RRM2B: variants seen among roughly 807,000 people sequenced by gnomAD.
The protein encoded by RRM2B is ribonucleoside-diphosphate reductase subunit M2 B.
A neutral mutation model predicts 45.9 loss-of-function variants in RRM2B; 20 were observed. The observed-to-expected ratio is 0.44, with a 90% CI of 0.31 to 0.63. The LOEUF (loss-of-function observed/expected upper bound fraction) is 0.63. Ranked by LOEUF, RRM2B falls within the 30% of genes least tolerant of loss-of-function variation. The pLI is 0.09. For synonymous variants in RRM2B, 124 were observed against 132.3 expected (o/e 0.94, Z 0.43); for missense variants, 320 against 414.7 (o/e 0.77, Z 1.98).
Position 102,205,780 on chromosome 8 carries a change from C to G in RRM2B, c.*2353G>C, listed in dbSNP as rs956751959. 2.0e-5 allele frequency: 3 copies of G among 151,822 alleles called. No homozygotes were observed. Among genetic ancestry groups the G allele is most frequent in the African/African-American group, 7.3e-5 (3 of 41,352 alleles). 9.4% of individuals were successfully genotyped at this position (151,822 alleles called of 1,614,324 possible). A position where few individuals can be genotyped will look rare whatever the true frequency, so the allele number is the denominator to read the frequency against. On this transcript the variant is annotated 3_prime_UTR_variant, in exon 9 of 9. Coordinates refer to ENST00000251810, the MANE Select transcript of RRM2B (RefSeq NM_015713.5). ...TCTTGATTCTTTAAGAACTAAGAAC[C>G]AAAGTATTGAACATAATAAATAAAT...
At chr8:102,228,912 C>T (rs1287010536) in intron 2 of RRM2B, among the ~76,000 whole-genome samples, 1 of 152,196 alleles carries the variant, frequency 6.6e-6, no homozygotes, top group Non-Finnish European at 1.5e-5. Flanking sequence ...ACTTCATGAA[C>T]AGTTGAAATA....
At position 102,205,363 on chromosome 8, in the gene RRM2B, A is replaced by C. The variant is rs1003709364; in HGVS notation, c.*2770T>G. The C allele has an allele frequency of 6.6e-6, 1 of 152,216 alleles. No individual in the cohort carries two copies. The highest frequency in any genetic ancestry group is 1.5e-5 in the Non-Finnish European group (1 of 68,016). 9.4% of individuals were successfully genotyped at this position (152,216 alleles called of 1,614,324 possible). A position where few individuals can be genotyped will look rare whatever the true frequency, so the allele number is the denominator to read the frequency against. On this transcript the variant is annotated 3_prime_UTR_variant, in exon 9 of 9. Coordinates refer to ENST00000251810, the MANE Select transcript of RRM2B (RefSeq NM_015713.5). ...TGCACAAATAAAAAATGGCAATAGAAAAAGCAGAAAAATATGGATGTTTCT... is the reference window on the plus strand; with the variant it reads ...TGCACAAATAAAAAATGGCAATAGACAAAGCAGAAAAATATGGATGTTTCT...
At chr8:102,229,966 C>T (rs1469513347) in intron 2 of RRM2B, among the ~76,000 whole-genome samples, 2 of 152,152 alleles carry the variant, frequency 1.3e-5, no homozygotes, top group African/African-American at 4.8e-5. Flanking sequence ...TCTTTGAACA[C>T]TCAGTTTCAA....
chr8:102,228,276 G>A (rs767219777), intron 2 of RRM2B, among the ~76,000 whole-genome samples: 3 of 152,124 alleles, frequency 2.0e-5, no homozygotes, highest in Non-Finnish European at 4.4e-5. Flanking sequence ...AGCTGGGGAC[G>A]GCCAGACAGA....
At chr8:102,215,944 C>CAAAAAA (rs60059243) in intron 6 of RRM2B, among the ~76,000 whole-genome samples, 25 of 75,638 alleles carry the variant, frequency 3.3e-4, no homozygotes, top group African/African-American at 6.4e-4. Context: ...GACCCTGTCT[C>CAAAAAA]AAAAAAAAAA....
chr8:102,214,255 T>C (rs1810687136), intron 6 of RRM2B, 97 bp from the exon 7 acceptor site: 4 of 834,318 alleles, frequency 4.8e-6, no homozygotes, highest in Non-Finnish European at 8.1e-6. Context: ...TCTAGGAATA[T>C]AACACAGAAC....
chr8:102,238,415 T>C (rs1811161582), intron 1 of RRM2B: 2 of 644,226 alleles, frequency 3.1e-6, no homozygotes, highest in South Asian at 1.8e-5. Context: ...CTCCAACTCC[T>C]TGTCACCATC....
chr8:102,208,216 C>A lies in RRM2B; in HGVS notation c.973G>T (p.Glu325Ter). 1 of 1,609,752 alleles carries A rather than the reference C, an allele frequency of 6.2e-7. No individual in the cohort carries two copies. Among genetic ancestry groups the A allele is most frequent in the Non-Finnish European group, 8.5e-7 (1 of 1,176,294 alleles). Residue 325 changes from glutamate to a stop codon, truncating the protein, a stop_gained, in exon 9 of 9, where the codon GAG becomes TAG. Transcript: ENST00000251810. LOFTEE classifies it high-confidence loss of function. ...ISLEGKTNFFEKRVSEYQRFA... is the reference protein window; with the variant it reads ...ISLEGKTNFF ...CGCTGATACTCTGAAACTCGTTTCT[C>A]AAAGAAATTTGTTTTTCCTTCTAAA...
Position 102,229,363 on chromosome 8 carries a change from A to C in RRM2B, c.204+2786T>G, listed in dbSNP as rs371457057. Among the ~76,000 whole-genome samples, 298 of 152,098 alleles carry C rather than the reference A, an allele frequency of 2.0e-3. 13 individuals are homozygous for C. The South Asian group carries it at 0.058, about 30-fold the overall frequency. The stretch of plus-strand genomic sequence containing the variant: ...TGTCCCAATCTTTTAATCACATGCT[A>C]TTTTCCAAATCCTTTTTCCCACTAA... On this transcript the variant is annotated intron_variant, in intron 2 of 8. Coordinates refer to ENST00000251810, the MANE Select transcript of RRM2B (RefSeq NM_015713.5).
chr8:102,238,822 T>C lies in RRM2B; in HGVS notation c.48+5A>G. The C allele has an allele frequency of 6.2e-7, 1 of 1,613,730 alleles. No homozygotes were observed. Among genetic ancestry groups the C allele is most frequent in the Non-Finnish European group, 8.5e-7 (1 of 1,179,906 alleles). On this transcript the variant is annotated splice_donor_5th_base_variant and intron_variant, in intron 1 of 8. Coordinates refer to ENST00000251810, the MANE Select transcript of RRM2B (RefSeq NM_015713.5). The stretch of plus-strand genomic sequence containing the variant: ...TGAGGGGGAAGACGCAACAGCAACA[T>C]TTACCTCATCCTGATCCAGCCCGGC...
At chr8:102,222,049 G>A (rs1351689263) in intron 5 of RRM2B, among the ~76,000 whole-genome samples, 2 of 151,524 alleles carry the variant, frequency 1.3e-5, no homozygotes, top group African/African-American at 2.4e-5. Context: ...TACATATATT[G>A]AGAACCAGTG....
chr8:102,216,174 G>A (rs939120626), intron 6 of RRM2B, among the ~76,000 whole-genome samples: 8 of 151,818 alleles, frequency 5.3e-5, no homozygotes, highest in Non-Finnish European at 8.8e-5. Context: ...AGAAGACAGC[G>A]CAAGTCAATG....
rs60059243 is a variant in RRM2B at position 102,215,944 on chromosome 8, C to CAA, written c.685-1788_685-1787dup. ...TGGGTGACAGAGAAAGACCCTGTCT[C>CAA]AAAAAAAAAAAAAAAAAAAAAAGAA... On this transcript the variant is annotated intron_variant, in intron 6 of 8. Transcript: ENST00000251810. 2.9e-3 allele frequency among the ~76,000 whole-genome samples: 220 copies of CAA among 75,088 alleles called. 4 individuals are homozygous for CAA. The highest frequency in any genetic ancestry group is 5.8e-3 in the East Asian group (11 of 1,902). The allele number at this position is 75,088 out of a possible 152,430, so 49.3% of individuals were successfully genotyped here.
In RRM2B at chr8:102,219,039, T is replaced by C. The variant is rs1001641590; in HGVS notation, c.551-92A>G. 3.7e-6 allele frequency: 5 copies of C among 1,359,778 alleles called. No individual in the cohort carries two copies. The Admixed American group carries it at 8.7e-5, about 24-fold the overall frequency. 84.2% of individuals were successfully genotyped at this position (1,359,778 alleles called of 1,614,324 possible). On this transcript the variant is annotated intron_variant, in intron 5 of 8. Coordinates refer to ENST00000251810, the MANE Select transcript of RRM2B (RefSeq NM_015713.5). ...CATATATAACAATAAATACCACAAC[T>C]GTTTGCAAAGAAACAAAATACACAA...
chr8:102,227,549 G>A (rs937370555), intron 2 of RRM2B, among the ~76,000 whole-genome samples: 7 of 152,046 alleles, frequency 4.6e-5, no homozygotes, highest in Admixed American at 6.6e-5. Flanking sequence ...TGATCTGCCC[G>A]CCTCAACCTC....
chr8:102,211,051 G>A (rs897112616), intron 8 of RRM2B, among the ~76,000 whole-genome samples: 6 of 151,954 alleles, frequency 3.9e-5, no homozygotes, highest in Non-Finnish European at 8.8e-5. Flanking sequence ...TCACTCTGTT[G>A]CTCAGGCTGG....
At chr8:102,215,045 T>TAAAAAAAAAAAAAAAAAAAAAA (rs3063793) in intron 6 of RRM2B, among the ~76,000 whole-genome samples, 6 of 61,760 alleles carry the variant, frequency 9.7e-5, no homozygotes, top group East Asian at 4.7e-4. Context: ...AGCTAAATAT[T>TAAAAAAAAAAAAAAAAAAAAAA]AAAAAAAAAA....
chr8:102,229,046 G>A (rs1375635914), intron 2 of RRM2B, among the ~76,000 whole-genome samples: 1 of 152,224 alleles, frequency 6.6e-6, no homozygotes, highest in East Asian at 1.9e-4. Context: ...ATGAGGTCAA[G>A]AGATTGAGAC....
Position 102,227,687 on chromosome 8 carries a change from C to T in RRM2B, c.205-1653G>A, listed in dbSNP as rs370151045. ...TTGACTGGGTTGCTTAAACAGCATACTTTTATTTTTCTTTTTGAACATTTC... is the reference window on the plus strand; with the variant it reads ...TTGACTGGGTTGCTTAAACAGCATATTTTTATTTTTCTTTTTGAACATTTC... On this transcript the variant is annotated intron_variant, in intron 2 of 8. Coordinates refer to ENST00000251810, the MANE Select transcript of RRM2B (RefSeq NM_015713.5). 5.3e-5 allele frequency among the ~76,000 whole-genome samples: 8 copies of T among 152,286 alleles called. No homozygotes were observed. In the East Asian group the frequency reaches 7.7e-4, roughly 15 times the overall value.
Sources: gnomAD v4.1 joint callset for allele counts (sites outside exome capture counted in the v4.1 genomes callset) on GRCh38, gnomAD v4.1.1 for gene constraint, MANE v1.5 for transcripts, NCBI Gene and HGNC (gene_info 2026-07-23, HGNC 2026-07-21) for gene names.